Variants in XKR6 observed in about 807,000 individuals in gnomAD.
The protein encoded by XKR6 is XK-related protein 6.
Under a neutral mutation model 56.7 loss-of-function variants are expected in XKR6, and 22 were observed. The ratio of observed to expected loss-of-function variants is 0.39; its 90% CI spans 0.28 to 0.55. XKR6 has a LOEUF of 0.55. Among genes scored for constraint, XKR6 ranks in the 20% least tolerant of loss-of-function variants. The pLI, the probability that XKR6 is intolerant of heterozygous loss-of-function variation, is 0.66. For missense variants in XKR6, 852 were observed against 889.0 expected, an observed-to-expected ratio of 0.96 and a Z score of 0.53; for synonymous variants, 524 against 387.8, an observed-to-expected ratio of 1.35 and a Z score of -4.13.
chr8:11,195,058 G>C, intron 1 of XKR6: 1 of 687,852 alleles, frequency 1.5e-6, no homozygotes, highest in Non-Finnish European at 2.6e-6. Context: ...TTCTCCTGGA[G>C]GAAGTATCTC....
intron 1 of XKR6, among the ~76,000 whole-genome samples, chr8:10,996,987 A>G (rs1428248311): frequency 2.0e-5 from 3 of 152,070 alleles, no homozygotes; most frequent in Non-Finnish European, 4.4e-5. Context: ...AAATAAAATA[A>G]AATAACAACA....
intron 1 of XKR6, among the ~76,000 whole-genome samples, chr8:11,060,938 T>C (rs917256213): frequency 6.6e-6 from 1 of 152,200 alleles, no homozygotes; most frequent in Non-Finnish European, 1.5e-5. Flanking sequence ...ATCCCCATTT[T>C]ACAGATAATG....
At chr8:11,000,636 G>C (rs529192176) in intron 1 of XKR6, among the ~76,000 whole-genome samples, 1 of 152,278 alleles carries the variant, frequency 6.6e-6, no homozygotes, top group African/African-American at 2.4e-5. Context: ...AGTGAGCCAA[G>C]ATCGCACCAC....
intron 1 of XKR6, among the ~76,000 whole-genome samples, chr8:10,956,146 G>A (rs561660512): frequency 6.6e-5 from 10 of 152,048 alleles, no homozygotes; most frequent in Non-Finnish European, 1.3e-4. Context: ...CTCTCCTGGG[G>A]GCCAGTGCTG....
intron 2 of XKR6, among the ~76,000 whole-genome samples, chr8:10,916,160 T>C (rs1459333476): frequency 2.6e-5 from 4 of 152,212 alleles, no homozygotes; most frequent in Non-Finnish European, 5.9e-5. Flanking sequence ...GGCCAGGACA[T>C]AGGAACTCTG....
At chr8:10,952,408 C>A (rs1462813567) in intron 1 of XKR6, among the ~76,000 whole-genome samples, 1 of 152,194 alleles carries the variant, frequency 6.6e-6, no homozygotes, top group Non-Finnish European at 1.5e-5. Flanking sequence ...TCTTTAGCAT[C>A]CTGTGATGTG....
At chr8:11,052,557 G>A (rs1036647043) in intron 1 of XKR6, among the ~76,000 whole-genome samples, 3 of 152,094 alleles carry the variant, frequency 2.0e-5, no homozygotes, top group African/African-American at 7.2e-5. Flanking sequence ...TGCTGAGGGT[G>A]GGGGCATCTC....
intron 1 of XKR6, among the ~76,000 whole-genome samples, chr8:10,947,589 C>T (rs775939041): frequency 6.6e-6 from 1 of 152,126 alleles, no homozygotes. Context: ...TTATCCACAC[C>T]CAAAGAAGGA....
chr8:11,139,833 C>T (rs1800594883), intron 1 of XKR6, among the ~76,000 whole-genome samples: 2 of 152,116 alleles, frequency 1.3e-5, no homozygotes, highest in South Asian at 4.2e-4. Context: ...GGTCAGACCC[C>T]ACACAAACTT....
chr8:11,110,518 C>A (rs1424909717), intron 1 of XKR6, among the ~76,000 whole-genome samples: 1 of 152,194 alleles, frequency 6.6e-6, no homozygotes, highest in Non-Finnish European at 1.5e-5. Context: ...AGCTTCTACT[C>A]AGTCTCTATA....
At chr8:10,945,198 A>G (rs1801498450) in intron 1 of XKR6, among the ~76,000 whole-genome samples, 1 of 152,130 alleles carries the variant, frequency 6.6e-6, no homozygotes, top group Non-Finnish European at 1.5e-5. Flanking sequence ...AAAGGCCAAA[A>G]TGCTGTTGCG....
At chr8:10,977,188 G>A (rs979166304) in intron 1 of XKR6, among the ~76,000 whole-genome samples, 2 of 152,144 alleles carry the variant, frequency 1.3e-5, no homozygotes, top group African/African-American at 4.8e-5. Context: ...CACTGCAGAG[G>A]TTGTCCAGGC....
chr8:10,994,613 A>C (rs1798068034), intron 1 of XKR6, among the ~76,000 whole-genome samples: 1 of 152,124 alleles, frequency 6.6e-6, no homozygotes, highest in Non-Finnish European at 1.5e-5. Flanking sequence ...TTATTTCCAC[A>C]CTCAGGTGTC....
chr8:11,026,588 C>T (rs1177108846), intron 1 of XKR6, among the ~76,000 whole-genome samples: 1 of 151,256 alleles, frequency 6.6e-6, no homozygotes, highest in Non-Finnish European at 1.5e-5. Context: ...TACTACACAC[C>T]TAGATGGTCT....
chr8:10,955,092 C>A (rs1801843435), intron 1 of XKR6, among the ~76,000 whole-genome samples: 1 of 151,998 alleles, frequency 6.6e-6, no homozygotes, highest in Admixed American at 6.6e-5. Context: ...TGGTCTTGAA[C>A]TCCTGACCTC....
At chr8:10,955,164 C>G (rs1801845569) in intron 1 of XKR6, among the ~76,000 whole-genome samples, 3 of 152,046 alleles carry the variant, frequency 2.0e-5, no homozygotes, top group Non-Finnish European at 4.4e-5. Flanking sequence ...CCACTGCACC[C>G]AGCCCCCGGC....
intron 1 of XKR6, among the ~76,000 whole-genome samples, chr8:11,053,792 A>G (rs1799613871): frequency 6.6e-6 from 1 of 152,212 alleles, no homozygotes; most frequent in Non-Finnish European, 1.5e-5. Flanking sequence ...ACTTTTTGCC[A>G]TTCCTTCTCT....
chr8:11,006,982 G>C (rs992656872), intron 1 of XKR6, among the ~76,000 whole-genome samples: 8 of 152,222 alleles, frequency 5.3e-5, no homozygotes, highest in African/African-American at 1.7e-4. Flanking sequence ...GATTAGCGTA[G>C]GGACAGACAT....
intron 1 of XKR6, chr8:11,035,209 G>C (rs750209744): frequency 9.4e-6 from 5 of 534,614 alleles, no homozygotes; most frequent in Non-Finnish European, 1.5e-5. Flanking sequence ...GTGGCTGCTC[G>C]GATGATGATG....
Sources: gnomAD v4.1 joint callset for allele counts (sites outside exome capture counted in the v4.1 genomes callset) on GRCh38, gnomAD v4.1.1 for gene constraint, MANE v1.5 for transcripts, NCBI Gene and HGNC (gene_info 2026-07-23, HGNC 2026-07-21) for gene names.